The following IRAK3 variants were observed in gnomAD, a reference collection of about 807,000 sequenced individuals.
IRAK3 encodes interleukin 1 receptor associated kinase 3.
Under a neutral mutation model 56.6 loss-of-function variants are expected in IRAK3, and 57 were observed. The observed-to-expected ratio is 1.01, with a 90% CI of 0.81 to 1.26. The LOEUF (loss-of-function observed/expected upper bound fraction) is 1.26. IRAK3 is among the 50% of genes most tolerant of loss of function. The pLI, the probability that IRAK3 is intolerant of heterozygous loss-of-function variation, is 0.00. For synonymous variants in IRAK3, 258 were observed against 255.7 expected (o/e 1.01, Z -0.09); for missense variants, 703 against 719.0 (o/e 0.98, Z 0.25).
chr12:66,214,381 T>A lies in IRAK3; in HGVS notation c.588+2784T>A, dbSNP rs997006143. Among the ~76,000 whole-genome samples the A allele has an allele frequency of 1.1e-4, 16 of 149,928 alleles. No individual in the cohort carries two copies. In the East Asian group the frequency reaches 1.6e-3, roughly 15 times the overall value. On this transcript the variant is annotated intron_variant, in intron 5 of 11. Transcript: ENST00000261233. ...TCTACCAAGAAATACAAAAAAAAAA[T>A]TAAAAAAAAAATAGCTGGGTGTGGT...
At position 66,244,707 on chromosome 12, in the gene IRAK3, CA is replaced by C. The variant is rs759934625; in HGVS notation, c.1086+26del. The stretch of plus-strand genomic sequence containing the variant: ...ATTGTGAGTACCAACTGCCAGTTAA[CA>C]AAGGAGAGTTTATTGCCAAGAATGT... On this transcript the variant is annotated intron_variant, in intron 9 of 11. Coordinates refer to ENST00000261233, the MANE Select transcript of IRAK3 (RefSeq NM_007199.3). The C allele has an allele frequency of 5.1e-5, 81 of 1,584,796 alleles. No individual in the cohort carries two copies. The Middle Eastern group carries it at 7.0e-3, about 136-fold the overall frequency.
At chr12:66,206,410 G>C (rs893114881) in intron 2 of IRAK3, among the ~76,000 whole-genome samples, 2 of 152,132 alleles carry the variant, frequency 1.3e-5, no homozygotes, top group African/African-American at 4.8e-5. Flanking sequence ...ATTTTCTTCT[G>C]TTGGTAGGGC....
At chr12:66,245,529 CTTT>C (rs745553622) in intron 11 of IRAK3, among the ~76,000 whole-genome samples, 15 of 75,386 alleles carry the variant, frequency 2.0e-4, no homozygotes, top group East Asian at 5.0e-4. Context: ...TTTATTCAAT[CTTT>C]TTTTTTTTTT....
chr12:66,243,181 C>T (rs946853940), intron 8 of IRAK3, among the ~76,000 whole-genome samples: 3 of 152,088 alleles, frequency 2.0e-5, no homozygotes, highest in African/African-American at 7.2e-5. Context: ...TGAACTGTTT[C>T]CCCCAAACTC....
Position 66,247,772 on chromosome 12 carries a change from G to T in IRAK3, c.1392G>T (p.Arg464Ser), listed in dbSNP as rs1443242325. The T allele has an allele frequency of 1.9e-6, 3 of 1,614,020 alleles. No individual in the cohort carries two copies. The highest frequency in any genetic ancestry group is 2.5e-6 in the Non-Finnish European group (3 of 1,180,016). Reference protein sequence around the residue: ...EDPPTSLKSFRCPSPLFLENV... With the variant: ...EDPPTSLKSFSCPSPLFLENV... ...CTCCCACATCACTAAAGTCCTTCAG[G>T]TGTCCTTCTCCTCTATTCCTGGAGA... is the stretch of plus-strand genomic sequence containing the variant. The change falls in exon 12 of 12, where the codon AGG (arginine) becomes AGT (serine). Residue 464 changes from arginine (R) to serine (S), a missense_variant. Coordinates refer to ENST00000261233, the MANE Select transcript of IRAK3 (RefSeq NM_007199.3).
chr12:66,238,368 C>T (rs1152910), intron 8 of IRAK3, among the ~76,000 whole-genome samples: 141,215 of 152,248 alleles, frequency 0.93, 66,396 homozygotes, highest in East Asian at 1. Context: ...TCAGGTATTA[C>T]AGTTATTATC....
chr12:66,220,932 G>A (rs140597724), intron 6 of IRAK3, among the ~76,000 whole-genome samples: 2 of 152,192 alleles, frequency 1.3e-5, no homozygotes, highest in Non-Finnish European at 2.9e-5. Context: ...TGATAGAAAT[G>A]TGTTGAATGT....
At chr12:66,205,024 C>T (rs1189873185) in intron 2 of IRAK3, among the ~76,000 whole-genome samples, 1 of 152,140 alleles carries the variant, frequency 6.6e-6, no homozygotes, top group Non-Finnish European at 1.5e-5. Context: ...GTTGACTGAG[C>T]AAGTGAAATT....
At chr12:66,214,250 A>G (rs1168642) in intron 5 of IRAK3, among the ~76,000 whole-genome samples, 95,753 of 151,856 alleles carry the variant, frequency 0.63, 30,483 homozygotes, top group Admixed American at 0.68. Flanking sequence ...CAGGCTGGGC[A>G]TGGTGGCTCA....
chr12:66,190,347 A>C (rs1027663049), intron 1 of IRAK3, among the ~76,000 whole-genome samples: 16 of 151,732 alleles, frequency 1.1e-4, no homozygotes, highest in Non-Finnish European at 2.9e-5. Flanking sequence ...AAAAATGTTT[A>C]TATATTTTAA....
At chr12:66,254,621 AAC>A (rs2053137542) in exon 12 of IRAK3, 1 of 152,042 alleles carries the variant, frequency 6.6e-6, no homozygotes, top group South Asian at 2.1e-4. Flanking sequence ...TGAAAAAAAA[AAC>A]AGTCATTTTC....
At position 66,252,617 on chromosome 12, in the gene IRAK3, G is replaced by T; in HGVS notation, c.*4446G>T. The T allele has an allele frequency of 6.6e-6, 1 of 152,322 alleles. No individual in the cohort carries two copies. Among genetic ancestry groups the T allele is most frequent in the Non-Finnish European group, 1.5e-5 (1 of 68,060 alleles). The allele number at this position is 152,322 out of a possible 1,614,324, so 9.4% of individuals were successfully genotyped here. ...ATCAGGCACTATTCTAGGAGCTGGG[G>T]CTACAGTGCAGATGGAAACCAGCAA... On this transcript the variant is annotated 3_prime_UTR_variant, in exon 12 of 12. Coordinates refer to ENST00000261233, the MANE Select transcript of IRAK3 (RefSeq NM_007199.3).
intron 6 of IRAK3, 81 bp downstream of exon 6, chr12:66,217,316 C>A: frequency 9.9e-7 from 1 of 1,011,336 alleles, no homozygotes; most frequent in Non-Finnish European, 1.6e-6. Context: ...CAGCACAGAG[C>A]TTGGCGTGAC....
At chr12:66,212,034 A>G (rs745810027) in intron 5 of IRAK3, among the ~76,000 whole-genome samples, 33 of 151,658 alleles carry the variant, frequency 2.2e-4, no homozygotes, top group Non-Finnish European at 4.6e-4. Context: ...TCGCTTGAGC[A>G]CAGGAAGAAG....
intron 8 of IRAK3, among the ~76,000 whole-genome samples, chr12:66,238,213 C>T (rs1184733245): frequency 6.6e-6 from 1 of 152,176 alleles, no homozygotes; most frequent in Admixed American, 6.5e-5. Flanking sequence ...CATAGTTTGT[C>T]CTGACTGCAT....
chr12:66,197,450 T>A lies in IRAK3; in HGVS notation c.134-6261T>A, dbSNP rs1261602266. ...GCTATTTTATAGAATTGGATCTAAA[T>A]GAAGTATACATTTTATGGATGCTAA... On this transcript the variant is annotated intron_variant, in intron 1 of 11. Transcript: ENST00000261233. The A allele has an allele frequency of 4.1e-6, 4 of 984,380 alleles. No homozygotes were observed. The African/African-American group carries it at 7.0e-5, about 17-fold the overall frequency. The allele number at this position is 984,380 out of a possible 1,614,324, so 61.0% of individuals were successfully genotyped here. A position where few individuals can be genotyped will look rare whatever the true frequency, so the allele number is the denominator to read the frequency against.
intron 1 of IRAK3, among the ~76,000 whole-genome samples, chr12:66,195,654 CTTTTG>C (rs1372092800): frequency 6.6e-6 from 1 of 152,006 alleles, no homozygotes; most frequent in Non-Finnish European, 1.5e-5. Flanking sequence ...TCTGACCACT[CTTTTG>C]TTTTGTTTTG....
chr12:66,217,376 CT>C (rs1403791874), intron 6 of IRAK3, 141 bp downstream of exon 6: 8 of 764,976 alleles, frequency 1.0e-5, no homozygotes, highest in Non-Finnish European at 1.9e-5. Flanking sequence ...ATTTTGATAT[CT>C]GCTTTAGTAT....
At chr12:66,200,843 C>A (rs2052500385) in intron 1 of IRAK3, among the ~76,000 whole-genome samples, 1 of 152,172 alleles carries the variant, frequency 6.6e-6, no homozygotes, top group South Asian at 2.1e-4. Flanking sequence ...CAGAGTCTCA[C>A]TCTGTTGCCT....
Sources: allele counts gnomAD v4.1 joint callset (sites outside exome capture counted in the v4.1 genomes callset), GRCh38; gene constraint gnomAD v4.1.1; transcripts MANE v1.5; gene names NCBI Gene and HGNC (gene_info 2026-07-23, HGNC 2026-07-21).